TSPAN9: variants seen among roughly 807,000 people sequenced by gnomAD.
TSPAN9 encodes tetraspanin-9.
TSPAN9 carries 16 observed loss-of-function variants against 31.0 expected under a neutral mutation model. The ratio of observed to expected loss-of-function variants is 0.52; its 90% CI spans 0.35 to 0.78. TSPAN9 has a LOEUF of 0.78. Ranked by LOEUF, TSPAN9 falls within the 30% of genes least tolerant of loss-of-function variation. TSPAN9 has a pLI of 0.01. For missense variants in TSPAN9, 272 were observed against 312.5 expected, an observed-to-expected ratio of 0.87 and a Z score of 0.98; for synonymous variants, 145 against 121.6, an observed-to-expected ratio of 1.19 and a Z score of -1.27.
intron 2 of TSPAN9, among the ~76,000 whole-genome samples, chr12:3,137,205 G>A (rs918097941): frequency 1.3e-5 from 2 of 152,158 alleles, no homozygotes; most frequent in African/African-American, 2.4e-5. Flanking sequence ...TTGGGCTTCC[G>A]CCCCCATCCC....
chr12:3,204,891 T>C (rs1860437), intron 3 of TSPAN9, among the ~76,000 whole-genome samples: 142,122 of 152,266 alleles, frequency 0.93, 67,137 homozygotes, highest in Non-Finnish European at 1. Context: ...TGGGTCCTCC[T>C]GGGGCCATCT....
At chr12:3,155,179 T>C (rs1420909805) in intron 2 of TSPAN9, among the ~76,000 whole-genome samples, 1 of 152,216 alleles carries the variant, frequency 6.6e-6, no homozygotes, top group African/African-American at 2.4e-5. Context: ...GGGTACCAGC[T>C]TGTGACCCCT....
At chr12:3,128,043 G>C (rs971064764) in intron 2 of TSPAN9, among the ~76,000 whole-genome samples, 3 of 152,236 alleles carry the variant, frequency 2.0e-5, no homozygotes, top group Admixed American at 6.5e-5. Flanking sequence ...CTGGGCGGTA[G>C]GAATTTTTCA....
chr12:3,107,830 T>C lies in TSPAN9; in HGVS notation c.-18+24111T>C, dbSNP rs2098315420. Among the ~76,000 whole-genome samples, 1 of 152,240 alleles carries C rather than the reference T, an allele frequency of 6.6e-6. No individual in the cohort carries two copies. Among genetic ancestry groups the C allele is most frequent in the Non-Finnish European group, 1.5e-5 (1 of 68,040 alleles). On this transcript the variant is annotated intron_variant, in intron 2 of 8. Coordinates refer to ENST00000011898, the MANE Select transcript of TSPAN9 (RefSeq NM_006675.5). This position sits in a 1 kb window ranked among gnomAD's most constrained non-coding sequence, Gnocchi z 4.1. ...GCTACCTGGGCATGAATTCATTTTT[T>C]CCTGGCTTGAGTTTCAAATGTCAAC...
At chr12:3,213,674 G>T (rs1160077678) in intron 3 of TSPAN9, among the ~76,000 whole-genome samples, 1 of 152,008 alleles carries the variant, frequency 6.6e-6, no homozygotes, top group African/African-American at 2.4e-5. Context: ...CAGCCTGCCT[G>T]CTGGGAGGAG....
At chr12:3,231,607 G>T (rs904428512) in intron 3 of TSPAN9, among the ~76,000 whole-genome samples, 3 of 152,256 alleles carry the variant, frequency 2.0e-5, no homozygotes, top group Non-Finnish European at 2.9e-5. Flanking sequence ...TGAGCCAGCA[G>T]GGGCGGGGTG....
Position 3,170,307 on chromosome 12 carries a change from T to C in TSPAN9, c.-17-30870T>C, listed in dbSNP as rs111667590. 3.0e-3 allele frequency among the ~76,000 whole-genome samples: 459 copies of C among 152,240 alleles called. 2 individuals carry two copies. The highest frequency in any genetic ancestry group is 0.011 in the African/African-American group (442 of 41,528). ...TTCCTTCCTTTTCCATGGAGACAGA[T>C]TTTGCAGTTACTCCAGTTTTATACC... On this transcript the variant is annotated intron_variant, in intron 2 of 8. Transcript: ENST00000011898. The surrounding 1 kb of genome is among the most constrained non-coding windows in gnomAD (Gnocchi z 4.4).
At chr12:3,189,710 C>T (rs1017555238) in intron 2 of TSPAN9, among the ~76,000 whole-genome samples, 3 of 152,182 alleles carry the variant, frequency 2.0e-5, no homozygotes, top group Admixed American at 6.5e-5. Context: ...AGGTTTCAGA[C>T]GGGCTGGATG....
intron 3 of TSPAN9, chr12:3,211,809 A>G (rs1353907219): frequency 1.6e-5 from 26 of 1,594,710 alleles, no homozygotes; most frequent in Non-Finnish European, 2.0e-5. Context: ...CATCCTGGGC[A>G]TTTCACATCC....
chr12:3,283,082 A>C lies in TSPAN9; in HGVS notation c.686A>C (p.His229Pro). 1 of 1,609,600 alleles carries C rather than the reference A, an allele frequency of 6.2e-7. No homozygotes were observed. The highest frequency in any genetic ancestry group is 8.5e-7 in the Non-Finnish European group (1 of 1,179,972). The change falls in exon 9 of 9, where the codon CAC (histidine) becomes CCC (proline). Residue 229 changes from histidine to proline, a missense_variant. Physicochemically the swap from His to Pro is moderately conservative, Grantham distance 77 (BLOSUM62 -2). Transcript: ENST00000011898. ...GMAFSMTLFQ[H>P]IHRTGKKYDA ...GCCTTCTCCATGACCCTCTTCCAGC[A>C]CATCCACCGGACTGGTAAGAAGTAC...
intron 3 of TSPAN9, among the ~76,000 whole-genome samples, chr12:3,251,309 T>A (rs973600565): frequency 2.0e-5 from 3 of 152,066 alleles, no homozygotes; most frequent in Non-Finnish European, 2.9e-5. Flanking sequence ...GCCCCGGTGA[T>A]GAAATCCCCT....
chr12:3,232,344 G>C (rs10848835), intron 3 of TSPAN9, among the ~76,000 whole-genome samples: 12,850 of 151,820 alleles, frequency 0.085, 643 homozygotes, highest in Middle Eastern at 0.14. Context: ...TATGAAACCA[G>C]TTTAATTTTT....
rs565708143 is a variant in TSPAN9 at position 3,143,642 on chromosome 12, C to T, written c.-17-57535C>T. Among the ~76,000 whole-genome samples the T allele has an allele frequency of 6.6e-6, 1 of 152,108 alleles. No homozygotes were observed. The highest frequency in any genetic ancestry group is 6.5e-5 in the Admixed American group (1 of 15,292). On this transcript the variant is annotated intron_variant, in intron 2 of 8. Coordinates refer to ENST00000011898, the MANE Select transcript of TSPAN9 (RefSeq NM_006675.5). This position sits in a 1 kb window ranked among gnomAD's most constrained non-coding sequence, Gnocchi z 4.2. ...TAAATATCAGGATATATATTTTATC[C>T]TATAGGTTAGAGTTACAGGAACAGC...
At chr12:3,163,369 C>T (rs2098346491) in intron 2 of TSPAN9, among the ~76,000 whole-genome samples, 1 of 152,238 alleles carries the variant, frequency 6.6e-6, no homozygotes, top group South Asian at 2.1e-4. Flanking sequence ...TTTCCACACT[C>T]TACCCCATGG....
At chr12:3,214,915 T>G (rs2098380582) in intron 3 of TSPAN9, among the ~76,000 whole-genome samples, 1 of 151,758 alleles carries the variant, frequency 6.6e-6, no homozygotes, top group South Asian at 2.1e-4. Context: ...GAACACGTCT[T>G]CAGGGCTGTT....
chr12:3,241,595 C>T (rs2098396599), intron 3 of TSPAN9, among the ~76,000 whole-genome samples: 1 of 152,222 alleles, frequency 6.6e-6, no homozygotes, highest in Non-Finnish European at 1.5e-5. Context: ...AAACAGCCTG[C>T]ATAATTTTAA....
intron 3 of TSPAN9, among the ~76,000 whole-genome samples, chr12:3,263,318 C>T (rs1862483770): frequency 6.6e-6 from 1 of 152,172 alleles, no homozygotes; most frequent in Admixed American, 6.5e-5. Context: ...ATGACCTGGC[C>T]CGTTGGCAGC....
In TSPAN9 at chr12:3,235,318, G is replaced by A. The variant is rs1230844283; in HGVS notation, c.63+34062G>A. On this transcript the variant is annotated intron_variant, in intron 3 of 8. Transcript: ENST00000011898. ...TGGAGTGAAGCGGCAATGAGTGAAC[G>A]AGAGCACAGACCAACAGCGTGCTGT... Among the ~76,000 whole-genome samples, 9 of 131,182 alleles carry A rather than the reference G, an allele frequency of 6.9e-5. 1 individual carries two copies. Among genetic ancestry groups the A allele is most frequent in the South Asian group, 2.7e-4 (1 of 3,726 alleles). 86.1% of individuals were successfully genotyped at this position (131,182 alleles called of 152,430 possible).
chr12:3,225,713 T>G (rs1043652432), intron 3 of TSPAN9, among the ~76,000 whole-genome samples: 5 of 151,866 alleles, frequency 3.3e-5, no homozygotes, highest in African/African-American at 1.2e-4. Context: ...GGCCGAGTAA[T>G]TGCCTTAAGC....
Sources: allele counts gnomAD v4.1 joint callset (sites outside exome capture counted in the v4.1 genomes callset), GRCh38; gene constraint gnomAD v4.1.1; non-coding constraint Gnocchi (gnomAD v3.1); transcripts MANE v1.5; gene names NCBI Gene and HGNC (gene_info 2026-07-23, HGNC 2026-07-21).